DNAH6: variants seen among roughly 807,000 people sequenced by gnomAD.
The protein encoded by DNAH6 is dynein axonemal heavy chain 6.
Under a neutral mutation model 491.4 loss-of-function variants are expected in DNAH6, and 340 were observed. The observed-to-expected ratio is 0.69, with a 90% confidence interval of 0.63 to 0.76. DNAH6 has a LOEUF of 0.76. DNAH6 is among the 30% of genes least tolerant of loss of function. DNAH6 has a pLI of 0.00. For missense variants in DNAH6, 4,443 were observed against 4,972.2 expected, an observed-to-expected ratio of 0.89 and a Z score of 3.20; for synonymous variants, 1,603 against 1,686.1, an observed-to-expected ratio of 0.95 and a Z score of 1.21.
chr2:84,691,180 T>C (rs1694818185), intron 45 of DNAH6, among the ~76,000 whole-genome samples: 1 of 152,192 alleles, frequency 6.6e-6, no homozygotes, highest in African/African-American at 2.4e-5. Flanking sequence ...ATAAGTAAAT[T>C]GCCAGAAAAA....
chr2:84,713,284 TC>T (rs1697225941), intron 57 of DNAH6, 25 bp downstream of exon 57: 1 of 1,544,668 alleles, frequency 6.5e-7, no homozygotes, highest in Admixed American at 2.0e-5. Flanking sequence ...TCTGGAATTC[TC>T]AACTTAACTG....
chr2:84,705,605 A>G lies in DNAH6; in HGVS notation c.8585A>G (p.Asn2862Ser). The G allele has an allele frequency of 6.4e-7, 1 of 1,551,710 alleles. No homozygotes were observed. Among genetic ancestry groups the G allele is most frequent in the Non-Finnish European group, 8.7e-7 (1 of 1,146,988 alleles). The change falls in exon 52 of 77, where the codon AAT becomes AGT. Residue 2862 changes from asparagine (N) to serine (S), a missense_variant. This residue lies in a region of DNAH6 where 1,463 missense variants were observed against 1,656.6 expected (regional missense o/e 0.88). Transcript: ENST00000389394. Reference sequence around the variant, plus strand: ...TTGGCAAAGCTTCAAAAGTATATTAATAATCCTGATTTTGTGCCTGAAAAA... The same window carrying G: ...TTGGCAAAGCTTCAAAAGTATATTAGTAATCCTGATTTTGTGCCTGAAAAA... ...QILAKLQKYI[N>S]NPDFVPEKVE...
rs1198871205 is a variant in DNAH6, at chr2:84,688,533, T to A, written c.7232T>A (p.Leu2411His). The change falls in exon 45 of 77, where the codon CTC becomes CAC. Residue 2411 changes from leucine to histidine, a missense_variant. Coordinates refer to ENST00000389394, the MANE Select transcript of DNAH6 (RefSeq NM_001370.2). ...CAGGACTATCTTGATGATTATAATCTCACAAATCCCAAAGAAGTAAAGTTG... is the reference window on the plus strand; with the variant it reads ...CAGGACTATCTTGATGATTATAATCACACAAATCCCAAAGAAGTAAAGTTG... ...VLQDYLDDYN[L>H]TNPKEVKLVF... The A allele has an allele frequency of 6.5e-6, 10 of 1,544,554 alleles. No individual in the cohort carries two copies. The highest frequency in any genetic ancestry group is 7.9e-6 in the Non-Finnish European group (9 of 1,145,616).
intron 37 of DNAH6, among the ~76,000 whole-genome samples, chr2:84,665,143 G>A (rs1691960197): frequency 6.6e-6 from 1 of 152,148 alleles, no homozygotes; most frequent in Non-Finnish European, 1.5e-5. Context: ...ACAAGAGAAA[G>A]CAGGAAAGAT....
intron 62 of DNAH6, among the ~76,000 whole-genome samples, chr2:84,737,528 T>TTTTTG (rs1190671460): frequency 2.0e-5 from 3 of 151,980 alleles, no homozygotes; most frequent in Non-Finnish European, 4.4e-5. Context: ...CTGTTCAGGA[T>TTTTTG]TTTTGTTTTT....
intron 10 of DNAH6, among the ~76,000 whole-genome samples, chr2:84,554,845 A>G (rs1276176263): frequency 6.6e-6 from 1 of 152,216 alleles, no homozygotes; most frequent in Non-Finnish European, 1.5e-5. Flanking sequence ...TGACAAAAGG[A>G]GGCTCTGTCA....
intron 67 of DNAH6, 143 bp downstream of exon 67, chr2:84,785,899 C>A: frequency 1.2e-6 from 1 of 806,474 alleles, no homozygotes; most frequent in Non-Finnish European, 1.8e-6. Context: ...TGTTTTCATT[C>A]AATCTCTATA....
intron 23 of DNAH6, 86 bp downstream of exon 23, chr2:84,617,068 A>T (rs986950217): frequency 5.6e-6 from 4 of 719,944 alleles, no homozygotes; most frequent in Non-Finnish European, 8.9e-6. Flanking sequence ...TCAAAGCATG[A>T]AGGAACTAGA....
At chr2:84,567,341 G>T (rs955464342) in intron 11 of DNAH6, among the ~76,000 whole-genome samples, 1 of 152,134 alleles carries the variant, frequency 6.6e-6, no homozygotes, top group African/African-American at 2.4e-5. Context: ...AGCCTGTATA[G>T]CCAAGACAAT....
chr2:84,753,457 A>G (rs1673663432), intron 63 of DNAH6, among the ~76,000 whole-genome samples: 1 of 151,988 alleles, frequency 6.6e-6, no homozygotes, highest in Non-Finnish European at 1.5e-5. Flanking sequence ...ACCATTGCCT[A>G]ATCCAAGGTC....
intron 41 of DNAH6, among the ~76,000 whole-genome samples, chr2:84,678,501 A>G (rs1000671441): frequency 6.6e-6 from 1 of 152,132 alleles, no homozygotes; most frequent in Non-Finnish European, 1.5e-5. Context: ...TGAATTTGCA[A>G]TTTATTTCAT....
At chr2:84,589,406 TGGGTGTAAAA>T (rs1683874484) in intron 16 of DNAH6, among the ~76,000 whole-genome samples, 1 of 152,040 alleles carries the variant, frequency 6.6e-6, no homozygotes, top group Non-Finnish European at 1.5e-5. Context: ...CAGGGACAAA[TGGGTGTAAAA>T]GGGTAGATTT....
At chr2:84,730,752 T>A (rs549902707) in intron 61 of DNAH6, among the ~76,000 whole-genome samples, 7 of 152,198 alleles carry the variant, frequency 4.6e-5, no homozygotes, top group Admixed American at 6.5e-5. Context: ...ATCAGAAAAC[T>A]TTACATGAAA....
intron 60 of DNAH6, 27 bp downstream of exon 60, chr2:84,722,831 A>T: frequency 7.4e-7 from 1 of 1,357,904 alleles, no homozygotes; most frequent in South Asian, 1.6e-5. Context: ...TGTTAATGAC[A>T]GTCATCTCTT....
In DNAH6 at chr2:84,588,852, T is replaced by C. The variant is rs1407149281; in HGVS notation, c.2508T>C (p.Ala836=). The C allele has an allele frequency of 5.8e-6, 9 of 1,549,470 alleles. No individual in the cohort carries two copies. In the South Asian group the frequency reaches 1.1e-4, roughly 19 times the overall value. ...ATCCACAGATTTTAGATATCTCTGC[T>C]GACCAAGACAAAATAAGGCTCATAT... ...AQDPQILDIS[A]DQDKIRLILN... The change falls in exon 16 of 77, where the codon GCT becomes GCC. Residue 836 remains alanine, a synonymous_variant. Coordinates refer to ENST00000389394, the MANE Select transcript of DNAH6 (RefSeq NM_001370.2).
At chr2:84,680,913 A>C (rs1693721650) in intron 41 of DNAH6, among the ~76,000 whole-genome samples, 1 of 152,132 alleles carries the variant, frequency 6.6e-6, no homozygotes, top group Admixed American at 6.5e-5. Flanking sequence ...TGAGATGGGG[A>C]AGCTGAAGTG....
intron 37 of DNAH6, 85 bp from the exon 38 acceptor site, chr2:84,669,204 C>T: frequency 9.1e-7 from 1 of 1,099,500 alleles, no homozygotes; most frequent in Admixed American, 2.3e-5. Context: ...TTTTGACTGC[C>T]TTTTTTTCTA....
chr2:84,706,314 T>C (rs756760916), intron 52 of DNAH6, among the ~76,000 whole-genome samples: 1 of 152,250 alleles, frequency 6.6e-6, no homozygotes, highest in African/African-American at 2.4e-5. Flanking sequence ...GAAACAGTCA[T>C]TGACAATACA....
At chr2:84,558,603 T>C (rs747630171) in intron 11 of DNAH6, among the ~76,000 whole-genome samples, 7 of 152,202 alleles carry the variant, frequency 4.6e-5, no homozygotes, top group Non-Finnish European at 8.8e-5. Context: ...AGTCATTTTT[T>C]CATTACATGT....
Sources: allele counts gnomAD v4.1 joint callset (sites outside exome capture counted in the v4.1 genomes callset), GRCh38; gene constraint gnomAD v4.1.1; regional missense constraint gnomAD v4.1.1; transcripts MANE v1.5; gene names NCBI Gene and HGNC (gene_info 2026-07-23, HGNC 2026-07-21).